Variants in PIP5K1B observed in about 807,000 individuals in gnomAD.
PIP5K1B encodes phosphatidylinositol 4-phosphate 5-kinase type-1 beta.
A neutral mutation model predicts 67.0 loss-of-function variants in PIP5K1B; 42 were observed. The observed-to-expected ratio is 0.63, with a 90% CI of 0.49 to 0.81. PIP5K1B has a LOEUF of 0.81. Among genes scored for constraint, PIP5K1B ranks in the 30% least tolerant of loss-of-function variants. The pLI is 0.00. For synonymous variants in PIP5K1B, 214 were observed against 231.4 expected (o/e 0.92, Z 0.68); for missense variants, 459 against 646.3 (o/e 0.71, Z 3.14).
chr9:68,804,639 T>A (rs542378868), intron 2 of PIP5K1B, among the ~76,000 whole-genome samples: 1 of 150,296 alleles, frequency 6.7e-6, no homozygotes, highest in East Asian at 2.0e-4. Context: ...TCATTCAGGA[T>A]GGAGCGCAGT....
intron 2 of PIP5K1B, among the ~76,000 whole-genome samples, chr9:68,798,348 C>G (rs139442028): frequency 0.018 from 2,782 of 152,294 alleles, 40 homozygotes; most frequent in Middle Eastern, 0.061. Context: ...AACTTTCACT[C>G]TAGTTCCTAA....
chr9:68,869,941 G>T (rs757546979), intron 5 of PIP5K1B, among the ~76,000 whole-genome samples: 3 of 152,142 alleles, frequency 2.0e-5, no homozygotes, highest in Non-Finnish European at 4.4e-5. Context: ...AGTCTTCTTG[G>T]GAGAAAATGA....
At chr9:68,781,131 AC>A (rs1445413243) in intron 2 of PIP5K1B, 23 of 1,441,946 alleles carry the variant, frequency 1.6e-5, no homozygotes, top group Non-Finnish European at 2.2e-5. Context: ...TTCCTATTTG[AC>A]CCCTTTTCTT....
intron 2 of PIP5K1B, among the ~76,000 whole-genome samples, chr9:68,791,585 A>T (rs893816794): frequency 6.6e-6 from 1 of 152,078 alleles, no homozygotes; most frequent in Non-Finnish European, 1.5e-5. Context: ...CCTCTTGGGG[A>T]AAAAAGGTAA....
intron 14 of PIP5K1B, among the ~76,000 whole-genome samples, chr9:68,973,181 T>A (rs1467353918): frequency 6.6e-6 from 1 of 152,118 alleles, no homozygotes; most frequent in Admixed American, 6.5e-5. Flanking sequence ...AGCTCAGACG[T>A]AATACAACAA....
chr9:68,977,730 C>G (rs1829698935), intron 14 of PIP5K1B, among the ~76,000 whole-genome samples: 1 of 150,198 alleles, frequency 6.7e-6, no homozygotes, highest in South Asian at 2.1e-4. Context: ...TCTCGGCTCA[C>G]TGGAACCTCT....
intron 2 of PIP5K1B, chr9:68,788,193 A>C: frequency 3.2e-6 from 1 of 315,706 alleles, no homozygotes; most frequent in Non-Finnish European, 5.9e-6. Flanking sequence ...GCTAAGGGGA[A>C]AAAGGAATGT....
chr9:68,961,616 T>C (rs1002129875), intron 14 of PIP5K1B, among the ~76,000 whole-genome samples: 4 of 152,108 alleles, frequency 2.6e-5, no homozygotes, highest in African/African-American at 4.8e-5. Context: ...CTTGGGTTGA[T>C]TAGATCCCCA....
intron 2 of PIP5K1B, among the ~76,000 whole-genome samples, chr9:68,768,248 G>C (rs1383627644): frequency 6.6e-6 from 1 of 152,178 alleles, no homozygotes; most frequent in African/African-American, 2.4e-5. Context: ...TATGCCGGTG[G>C]GAAGAGAAGT....
chr9:68,855,460 T>C lies in PIP5K1B; in HGVS notation c.70-8377T>C, dbSNP rs1015172844. On this transcript the variant is annotated intron_variant, in intron 4 of 15. Coordinates refer to ENST00000265382, the MANE Select transcript of PIP5K1B (RefSeq NM_003558.4). ...CAGACTTGTATGTTAGCATCTCCAG[T>C]TGGATGTCTCATTAGCATCTCAAAT... is the stretch of plus-strand genomic sequence containing the variant. Among the ~76,000 whole-genome samples the C allele has an allele frequency of 6.6e-5, 10 of 152,338 alleles. No homozygotes were observed. In the East Asian group the frequency reaches 1.9e-3, roughly 29 times the overall value.
intron 4 of PIP5K1B, among the ~76,000 whole-genome samples, chr9:68,860,094 A>T (rs1316191280): frequency 6.6e-6 from 1 of 152,036 alleles, no homozygotes; most frequent in Admixed American, 6.5e-5. Context: ...TTAACATACG[A>T]TCATTGTTAT....
chr9:68,802,170 T>A (rs528413367), intron 2 of PIP5K1B, among the ~76,000 whole-genome samples: 17 of 152,368 alleles, frequency 1.1e-4, no homozygotes, highest in Admixed American at 3.3e-4. Context: ...AGATATCTTA[T>A]GGAAGTATTC....
intron 2 of PIP5K1B, among the ~76,000 whole-genome samples, chr9:68,813,810 C>G (rs1833290079): frequency 6.6e-6 from 1 of 152,080 alleles, no homozygotes; most frequent in South Asian, 2.1e-4. Context: ...ATGGCTACCA[C>G]CAGAAGCTAA....
intron 2 of PIP5K1B, among the ~76,000 whole-genome samples, chr9:68,777,086 A>AAAT (rs995909044): frequency 1.3e-5 from 2 of 152,224 alleles, no homozygotes; most frequent in Non-Finnish European, 2.9e-5. Flanking sequence ...AGGGCACTCT[A>AAAT]AATAATAATA....
intron 14 of PIP5K1B, among the ~76,000 whole-genome samples, chr9:68,971,256 G>C (rs1355854106): frequency 3.3e-5 from 5 of 152,090 alleles, no homozygotes; most frequent in African/African-American, 1.2e-4. Context: ...TTGGTTTTCT[G>C]TTCTTGTGTT....
At chr9:68,850,778 ATATT>A (rs1262868387) in intron 4 of PIP5K1B, among the ~76,000 whole-genome samples, 1 of 152,192 alleles carries the variant, frequency 6.6e-6, no homozygotes, top group Non-Finnish European at 1.5e-5. Context: ...ATCTAAATTG[ATATT>A]TATATCAAAT....
At chr9:68,913,339 A>G (rs1023296643) in intron 8 of PIP5K1B, among the ~76,000 whole-genome samples, 1 of 152,256 alleles carries the variant, frequency 6.6e-6, no homozygotes, top group African/African-American at 2.4e-5. Context: ...TCAGGCAGAC[A>G]TTCTGGAAAT....
rs751846943 is a variant in PIP5K1B, at chr9:68,894,491, G to A, written c.624G>A (p.Thr208=). The A allele has an allele frequency of 1.2e-5, 19 of 1,614,066 alleles. No individual in the cohort carries two copies. Among genetic ancestry groups the A allele is most frequent in the Non-Finnish European group, 1.4e-5 (17 of 1,180,006 alleles). ...MHFTYDLKGS[T]YKRRASRKER... ...TTACATATGACTTGAAAGGCTCAAC[G>A]TATAAGCGAAGAGCATCCCGTAAAG... is the stretch of plus-strand genomic sequence containing the variant. Residue 208 remains threonine, a synonymous_variant, in exon 8 of 16, where the codon ACG becomes ACA. Coordinates refer to ENST00000265382, the MANE Select transcript of PIP5K1B (RefSeq NM_003558.4).
chr9:68,764,090 T>C (rs1338052792), intron 2 of PIP5K1B, among the ~76,000 whole-genome samples: 1 of 148,882 alleles, frequency 6.7e-6, no homozygotes, highest in African/African-American at 2.5e-5. Flanking sequence ...TTTTTTTTTT[T>C]TTTTTTTTTT....
Sources: allele counts gnomAD v4.1 joint callset (sites outside exome capture counted in the v4.1 genomes callset), GRCh38; gene constraint gnomAD v4.1.1; transcripts MANE v1.5; gene names NCBI Gene and HGNC (gene_info 2026-07-23, HGNC 2026-07-21).